The following SPTBN1 variants were observed in gnomAD, a reference collection of about 807,000 sequenced individuals.
The protein encoded by SPTBN1 is spectrin beta chain, non-erythrocytic 1.
Under a neutral mutation model 266.4 loss-of-function variants are expected in SPTBN1, and 32 were observed. The observed-to-expected ratio is 0.12, with a 90% confidence interval of 0.09 to 0.16. The LOEUF (loss-of-function observed/expected upper bound fraction) is 0.16, where lower values mean the gene tolerates loss of function less well. Among genes scored for constraint, SPTBN1 ranks in the 10% least tolerant of loss-of-function variants. The pLI, the probability that SPTBN1 is intolerant of heterozygous loss-of-function variation, is 1.00. For missense variants in SPTBN1, 2,296 were observed against 3,067.1 expected, an observed-to-expected ratio of 0.75 and a Z score of 5.94; for synonymous variants, 1,336 against 1,162.2, an observed-to-expected ratio of 1.15 and a Z score of -3.04.
intron 2 of SPTBN1, among the ~76,000 whole-genome samples, chr2:54,576,048 G>C (rs1373128575): frequency 1.3e-5 from 1 of 76,332 alleles, no homozygotes; most frequent in Admixed American, 1.5e-4. Context: ...TTGTCACTCA[G>C]ATCCAGCTTT....
In SPTBN1 at chr2:54,628,394, T is replaced by A. The variant is rs1421280663; in HGVS notation, c.1798+144T>A. 1.3e-5 allele frequency: 13 copies of A among 1,009,932 alleles called. No homozygotes were observed. Among genetic ancestry groups the A allele is most frequent in the Non-Finnish European group, 1.6e-5 (12 of 733,302 alleles). 62.6% of individuals were successfully genotyped at this position (1,009,932 alleles called of 1,614,324 possible). ...GAGCATGAAATACGGTGGAGTGGCC[T>A]TCTGAACACTAACTCCATCTTGTTT... On this transcript the variant is annotated intron_variant, in intron 13 of 35. Transcript: ENST00000356805. This position sits in a 1 kb window ranked among gnomAD's most constrained non-coding sequence, Gnocchi z 4.3.
intron 2 of SPTBN1, among the ~76,000 whole-genome samples, chr2:54,597,821 C>G (rs1024677000): frequency 2.0e-5 from 3 of 151,454 alleles, no homozygotes; most frequent in Non-Finnish European, 2.9e-5. Flanking sequence ...GTTGTTACCC[C>G]CACCCAGTGG....
Position 54,670,978 on chromosome 2 carries a change from C to T in SPTBN1, c.*2409C>T, listed in dbSNP as rs3820856. On this transcript the variant is annotated 3_prime_UTR_variant, in exon 36 of 36. Transcript: ENST00000356805. Reference sequence around the variant, plus strand: ...TTTTTGTTTTTTTTTTATTCTTCCACTATCATGTTTTTTGAGGATTTTGCA... The same window carrying T: ...TTTTTGTTTTTTTTTTATTCTTCCATTATCATGTTTTTTGAGGATTTTGCA... 0.075 allele frequency: 29,839 copies of T among 395,900 alleles called. 1,292 individuals carry two copies. Among genetic ancestry groups the T allele is most frequent in the Middle Eastern group, 0.15 (235 of 1,584 alleles). 24.5% of individuals were successfully genotyped at this position (395,900 alleles called of 1,614,324 possible).
chr2:54,527,069 G>A (rs749261917), intron 2 of SPTBN1: 30 of 152,350 alleles, frequency 2.0e-4, no homozygotes, highest in Non-Finnish European at 7.3e-5. Context: ...ATTAGTTCGT[G>A]GAACATGTCC....
chr2:54,611,311 G>A (rs74655014), intron 3 of SPTBN1, among the ~76,000 whole-genome samples: 5,909 of 152,116 alleles, frequency 0.039, 148 homozygotes, highest in Admixed American at 0.087. Context: ...CCATGTATAA[G>A]TGCATTTGAA....
Position 54,644,489 on chromosome 2 carries a change from A to G in SPTBN1, c.4172A>G (p.Asp1391Gly). Residue 1391 changes from aspartate (D) to glycine (G), a missense_variant, in exon 20 of 36, where the codon GAT becomes GGT. Asp to Gly is a moderately conservative substitution (Grantham distance 94, BLOSUM62 -1). Transcript: ENST00000356805. ...GAACTTTTCACCCAGAGCTGTGCAGATCTAGACAAATGGCTGCACGGCCTG... is the reference window on the plus strand; with the variant it reads ...GAACTTTTCACCCAGAGCTGTGCAGGTCTAGACAAATGGCTGCACGGCCTG... Reference protein sequence around the residue: ...KAELFTQSCADLDKWLHGLES... With the variant: ...KAELFTQSCAGLDKWLHGLES... 1 of 1,614,236 alleles carries G rather than the reference A, an allele frequency of 6.2e-7. No individual in the cohort carries two copies. Among genetic ancestry groups the G allele is most frequent in the Non-Finnish European group, 8.5e-7 (1 of 1,180,038 alleles).
At chr2:54,620,606 G>A (rs1390344746) in intron 7 of SPTBN1, among the ~76,000 whole-genome samples, 1 of 152,158 alleles carries the variant, frequency 6.6e-6, no homozygotes. Context: ...CTATAATCAT[G>A]TCACGGCATT....
chr2:54,593,888 C>T (rs1366814373), intron 2 of SPTBN1, among the ~76,000 whole-genome samples: 1 of 118,598 alleles, frequency 8.4e-6, no homozygotes, highest in African/African-American at 3.2e-5. Context: ...GGCTGGAGTG[C>T]GGTGGCATGA....
chr2:54,664,819 A>G lies in SPTBN1; in HGVS notation c.6659+128A>G, dbSNP rs1572785257. 11 of 941,332 alleles carry G rather than the reference A, an allele frequency of 1.2e-5. No individual in the cohort carries two copies. The highest frequency in any genetic ancestry group is 1.1e-4 in the Admixed American group (4 of 37,148). 58.3% of individuals were successfully genotyped at this position (941,332 alleles called of 1,614,324 possible). A position where few individuals can be genotyped will look rare whatever the true frequency, so the allele number is the denominator to read the frequency against. On this transcript the variant is annotated intron_variant, in intron 33 of 35. Transcript: ENST00000356805. The surrounding 1 kb of genome is among the most constrained non-coding windows in gnomAD (Gnocchi z 5.6). ...TTATTCCTTTGGTAGCTTCCTGGACATTGCATTCTTCTTGGGCTGACGCTG... is the reference window on the plus strand; with the variant it reads ...TTATTCCTTTGGTAGCTTCCTGGACGTTGCATTCTTCTTGGGCTGACGCTG...
chr2:54,573,554 T>A (rs1674237814), intron 2 of SPTBN1, among the ~76,000 whole-genome samples: 1 of 152,208 alleles, frequency 6.6e-6, no homozygotes. Context: ...TGGGGACCCC[T>A]GACTCGGTGA....
intron 1 of SPTBN1, among the ~76,000 whole-genome samples, chr2:54,509,509 G>A (rs1244322717): frequency 1.3e-5 from 2 of 152,278 alleles, no homozygotes; most frequent in Non-Finnish European, 2.9e-5. Context: ...ACGGGGACAT[G>A]ATGGCCAGCC....
chr2:54,623,388 G>A (rs1678120472), intron 9 of SPTBN1, 91 bp from the exon 10 acceptor site: 3 of 1,136,252 alleles, frequency 2.6e-6, no homozygotes, highest in Non-Finnish European at 4.0e-6. Flanking sequence ...TTTCATGTAA[G>A]TCAGACCAGA....
intron 4 of SPTBN1, 41 bp downstream of exon 4, chr2:54,612,375 C>T (rs561611156): frequency 6.4e-7 from 1 of 1,573,820 alleles, no homozygotes; most frequent in African/African-American, 1.4e-5. Flanking sequence ...CTTAGGCCGA[C>T]CTCTCAGGTA....
At chr2:54,650,181 C>T (rs1680179366) in intron 26 of SPTBN1, among the ~76,000 whole-genome samples, 192 bp downstream of exon 26, 2 of 152,222 alleles carry the variant, frequency 1.3e-5, no homozygotes, top group African/African-American at 4.8e-5. Flanking sequence ...ACGTTTGCCA[C>T]ATTTGTGAAC....
chr2:54,583,906 T>C (rs1675112428), intron 2 of SPTBN1, among the ~76,000 whole-genome samples: 1 of 152,190 alleles, frequency 6.6e-6, no homozygotes, highest in African/African-American at 2.4e-5. Flanking sequence ...TATTTTCCCC[T>C]TTAATGGGAA....
intron 35 of SPTBN1, 117 bp from the exon 36 acceptor site, chr2:54,668,234 C>A: frequency 2.2e-6 from 2 of 916,440 alleles, no homozygotes; most frequent in South Asian, 3.1e-5. Flanking sequence ...GGACAGTGCC[C>A]AGAAGTGACT....
chr2:54,565,786 A>C (rs1156509389), intron 2 of SPTBN1, among the ~76,000 whole-genome samples: 1 of 152,232 alleles, frequency 6.6e-6, no homozygotes, highest in Non-Finnish European at 1.5e-5. Context: ...GTTTCCCTGG[A>C]AACATCCATG....
chr2:54,579,059 G>A lies in SPTBN1; in HGVS notation c.149-20033G>A, dbSNP rs1475021297. Among the ~76,000 whole-genome samples, 5 of 152,062 alleles carry A rather than the reference G, an allele frequency of 3.3e-5. No individual in the cohort carries two copies. In the East Asian group the frequency reaches 7.7e-4, roughly 23 times the overall value. On this transcript the variant is annotated intron_variant, in intron 2 of 35. Coordinates refer to ENST00000356805, the MANE Select transcript of SPTBN1 (RefSeq NM_003128.3). Reference sequence around the variant, plus strand: ...TTAGGCTGGTGCAAAAGTAATTGTGGCTTTTGCAATTAAAAGTAATGACAA... The same window carrying A: ...TTAGGCTGGTGCAAAAGTAATTGTGACTTTTGCAATTAAAAGTAATGACAA...
At chr2:54,595,165 T>G (rs1434116639) in intron 2 of SPTBN1, among the ~76,000 whole-genome samples, 2 of 152,222 alleles carry the variant, frequency 1.3e-5, no homozygotes, top group Non-Finnish European at 2.9e-5. Context: ...GTGAGACTAT[T>G]TCTTTGCTGG....
Sources: gnomAD v4.1 joint callset for allele counts (sites outside exome capture counted in the v4.1 genomes callset) on GRCh38, gnomAD v4.1.1 for gene constraint, Gnocchi (gnomAD v3.1) non-coding constraint, MANE v1.5 for transcripts, NCBI Gene and HGNC (gene_info 2026-07-23, HGNC 2026-07-21) for gene names.